The following PRKG1 variants were observed in gnomAD, a reference collection of about 807,000 sequenced individuals.
PRKG1 encodes protein kinase cGMP-dependent 1, also known as cGMP-dependent protein kinase 1.
PRKG1 carries 35 observed loss-of-function variants against 88.1 expected under a neutral mutation model. That is an observed-to-expected ratio of 0.40 (90% CI 0.30 to 0.53). PRKG1 has a LOEUF of 0.53. PRKG1 is among the 20% of genes least tolerant of loss of function. PRKG1 has a pLI of 0.59. For synonymous variants in PRKG1, 303 were observed against 292.5 expected (o/e 1.04, Z -0.37); for missense variants, 540 against 839.8 (o/e 0.64, Z 4.41).
intron 3 of PRKG1, among the ~76,000 whole-genome samples, chr10:51,661,525 T>A (rs1236097288): frequency 6.6e-6 from 1 of 152,016 alleles, no homozygotes; most frequent in Non-Finnish European, 1.5e-5. Flanking sequence ...AAAACCACAA[T>A]GAGATACCAT....
chr10:52,004,848 G>A (rs1844689649), intron 5 of PRKG1, among the ~76,000 whole-genome samples: 1 of 152,138 alleles, frequency 6.6e-6, no homozygotes, highest in Admixed American at 6.6e-5. Context: ...GATTGCTTGA[G>A]CCCAGGAGGT....
chr10:51,401,845 C>T (rs1837748092), intron 2 of PRKG1, among the ~76,000 whole-genome samples: 1 of 152,112 alleles, frequency 6.6e-6, no homozygotes, highest in South Asian at 2.1e-4. Flanking sequence ...ATAAATTTTT[C>T]TCCTTTCTGA....
At chr10:51,660,536 C>T (rs1840273453) in intron 3 of PRKG1, among the ~76,000 whole-genome samples, 1 of 152,048 alleles carries the variant, frequency 6.6e-6, no homozygotes, top group South Asian at 2.1e-4. Context: ...ATTTTTCAAC[C>T]TAATTACGAA....
intron 4 of PRKG1, among the ~76,000 whole-genome samples, chr10:51,835,334 A>G (rs958390584): frequency 2.0e-5 from 3 of 152,202 alleles, no homozygotes; most frequent in African/African-American, 7.2e-5. Context: ...CATTTCTTGA[A>G]TATAGAGGAC....
chr10:51,790,151 C>G (rs1838832406), intron 3 of PRKG1, among the ~76,000 whole-genome samples: 1 of 152,146 alleles, frequency 6.6e-6, no homozygotes, highest in Admixed American at 6.6e-5. Flanking sequence ...TCCCTCTTAA[C>G]TTTGCAGCCT....
intron 3 of PRKG1, among the ~76,000 whole-genome samples, chr10:51,607,084 T>C (rs1456604849): frequency 6.6e-6 from 1 of 152,204 alleles, no homozygotes; most frequent in Non-Finnish European, 1.5e-5. Context: ...GAAAGCGATC[T>C]GAAACCAATT....
At chr10:51,126,391 T>C (rs1043170541) in intron 1 of PRKG1, among the ~76,000 whole-genome samples, 1 of 139,238 alleles carries the variant, frequency 7.2e-6, no homozygotes, top group African/African-American at 2.6e-5. Flanking sequence ...TATATATTTA[T>C]AATTATTTAT....
intron 3 of PRKG1, among the ~76,000 whole-genome samples, chr10:51,546,946 A>G (rs1842456695): frequency 6.6e-6 from 1 of 152,126 alleles, no homozygotes; most frequent in Non-Finnish European, 1.5e-5. Context: ...TTGAATTATT[A>G]TTGAATCTTA....
Position 52,168,351 on chromosome 10 carries a change from A to G in PRKG1, c.1076+6388A>G, listed in dbSNP as rs139364524. 1.8e-3 allele frequency among the ~76,000 whole-genome samples: 267 copies of G among 152,294 alleles called. 1 individual carries two copies. The highest frequency in any genetic ancestry group is 6.2e-3 in the African/African-American group (258 of 41,570). ...CATTCTAGCTGGCGGAACAAATGGA[A>G]AGCATTCTACATAGAGGAACAGCAT... is the stretch of plus-strand genomic sequence containing the variant. On this transcript the variant is annotated intron_variant, in intron 9 of 17. Coordinates refer to ENST00000373980, the MANE Select transcript of PRKG1 (RefSeq NM_006258.4).
chr10:51,760,873 G>A (rs986443212), intron 3 of PRKG1, among the ~76,000 whole-genome samples: 3 of 152,166 alleles, frequency 2.0e-5, no homozygotes, highest in Non-Finnish European at 2.9e-5. Context: ...TTAGCACCGC[G>A]GGAGGCTGAA....
Position 51,020,819 on chromosome 10 carries a change from T to C in PRKG1, c.266+29175T>C, listed in dbSNP as rs988056687. On this transcript the variant is annotated intron_variant, in intron 1 of 17. Coordinates refer to the PRKG1 transcript ENST00000401604. ...CAGGGCTCTGGAGGTAAAAAAGAAA[T>C]GGAGTAGGGAAAGTTTCATGAGTCA... Among the ~76,000 whole-genome samples the C allele has an allele frequency of 2.6e-5, 4 of 152,124 alleles. No individual in the cohort carries two copies. In the South Asian group the frequency reaches 8.3e-4, roughly 32 times the overall value.
intron 5 of PRKG1, among the ~76,000 whole-genome samples, chr10:51,979,416 T>TG (rs1325075808): frequency 4.5e-5 from 6 of 134,238 alleles, no homozygotes; most frequent in African/African-American, 1.4e-4. Context: ...GTCTGTTTTT[T>TG]TTTTTTTTTT....
chr10:51,485,030 G>C (rs1280880787), intron 3 of PRKG1, among the ~76,000 whole-genome samples: 1 of 152,088 alleles, frequency 6.6e-6, no homozygotes, highest in Non-Finnish European at 1.5e-5. Flanking sequence ...TGAGCTTCAG[G>C]CTGTTCCAGG....
chr10:51,478,930 C>T (rs559603979), intron 3 of PRKG1, among the ~76,000 whole-genome samples: 62 of 152,148 alleles, frequency 4.1e-4, no homozygotes, highest in Non-Finnish European at 7.8e-4. Flanking sequence ...AAAATCGACT[C>T]CCTTTGTCTA....
chr10:52,064,380 G>T (rs1846307191), intron 7 of PRKG1, among the ~76,000 whole-genome samples: 1 of 152,208 alleles, frequency 6.6e-6, no homozygotes, highest in South Asian at 2.1e-4. Flanking sequence ...ACAGAGAGAA[G>T]CCAGGCAGTG....
At chr10:51,413,703 G>C (rs1203539260) in intron 2 of PRKG1, among the ~76,000 whole-genome samples, 5 of 152,112 alleles carry the variant, frequency 3.3e-5, no homozygotes, top group African/African-American at 1.2e-4. Flanking sequence ...TCCTAGACTT[G>C]TGTTGTTCAC....
intron 3 of PRKG1, among the ~76,000 whole-genome samples, chr10:51,750,507 C>T (rs190523469): frequency 1.0e-3 from 152 of 152,182 alleles, no homozygotes; most frequent in Non-Finnish European, 1.4e-3. Context: ...ATGTAGGTGC[C>T]AGGCAATGAG....
chr10:51,685,113 A>G (rs1484095506), intron 3 of PRKG1, among the ~76,000 whole-genome samples: 2 of 152,170 alleles, frequency 1.3e-5, no homozygotes, highest in Non-Finnish European at 2.9e-5. Flanking sequence ...TCACTTAGTG[A>G]AAATGATGCC....
At chr10:51,734,962 CCGGTCATT>C (rs1354770374) in intron 3 of PRKG1, among the ~76,000 whole-genome samples, 1 of 152,082 alleles carries the variant, frequency 6.6e-6, no homozygotes, top group East Asian at 1.9e-4. Flanking sequence ...CAGGAAAGTA[CCGGTCATT>C]CTCATTTGTG....
Sources: allele counts gnomAD v4.1 joint callset (sites outside exome capture counted in the v4.1 genomes callset), GRCh38; gene constraint gnomAD v4.1.1; transcripts MANE v1.5; gene names NCBI Gene and HGNC (gene_info 2026-07-23, HGNC 2026-07-21).